KMT2C: variants seen among roughly 807,000 people sequenced by gnomAD.
The protein encoded by KMT2C is histone-lysine N-methyltransferase 2C.
Under a neutral mutation model 507.9 loss-of-function variants are expected in KMT2C, and 88 were observed. The ratio of observed to expected loss-of-function variants is 0.17; its 90% CI spans 0.15 to 0.21. The LOEUF is 0.21. Ranked by LOEUF, KMT2C falls within the 10% of genes least tolerant of loss-of-function variation. KMT2C has a pLI of 1.00. For synonymous variants in KMT2C, 2,049 were observed against 2,080.8 expected (o/e 0.98, Z 0.42); for missense variants, 4,954 against 5,957.8 (o/e 0.83, Z 5.55).
intron 6 of KMT2C, among the ~76,000 whole-genome samples, chr7:152,285,278 G>A (rs1369886440): frequency 7.6e-4 from 114 of 149,358 alleles, no homozygotes; most frequent in African/African-American, 2.9e-3. Flanking sequence ...CTATAGGAAA[G>A]CAACAGATCG....
intron 6 of KMT2C, among the ~76,000 whole-genome samples, chr7:152,307,920 G>C (rs1203237381): frequency 6.6e-6 from 1 of 152,100 alleles, no homozygotes; most frequent in Non-Finnish European, 1.5e-5. Context: ...TTTAGCCTTT[G>C]TTACCTTCCC....
At position 152,203,183 on chromosome 7, in the gene KMT2C, T is replaced by G. The variant is rs573612346; in HGVS notation, c.3962-119A>C. ...GTTTCATATAAACAAACAAGCTTTT[T>G]GAACAAAAAAATCTCAAATCAAGTT... On this transcript the variant is annotated intron_variant, in intron 25 of 58. Transcript: ENST00000262189. The G allele has an allele frequency of 1.0e-4, 76 of 724,510 alleles. 1 individual carries two copies. The South Asian group carries it at 2.8e-3, about 27-fold the overall frequency. 44.9% of individuals were successfully genotyped at this position (724,510 alleles called of 1,614,324 possible). A position where few individuals can be genotyped will look rare whatever the true frequency, so the allele number is the denominator to read the frequency against.
At chr7:152,332,892 A>ACACACACACACAC (rs1305747560) in intron 2 of KMT2C, among the ~76,000 whole-genome samples, 2 of 151,260 alleles carry the variant, frequency 1.3e-5, no homozygotes, top group African/African-American at 2.4e-5. Context: ...ACACACACAC[A>ACACACACACACAC]AATTATTCTC....
chr7:152,252,428 T>C, intron 10 of KMT2C, 118 bp downstream of exon 10: 2 of 767,586 alleles, frequency 2.6e-6, no homozygotes, highest in Non-Finnish European at 4.2e-6. Context: ...ATAACAGCAA[T>C]CAGTACTGAT....
Position 152,147,895 on chromosome 7 carries a change from T to C in KMT2C, c.13894+138A>G, listed in dbSNP as rs542722015. The C allele has an allele frequency of 1.3e-4, 116 of 896,930 alleles. 1 individual carries two copies. The highest frequency in any genetic ancestry group is 8.6e-4 in the East Asian group (32 of 37,050). The allele number at this position is 896,930 out of a possible 1,614,324, so 55.6% of individuals were successfully genotyped here. A position where few individuals can be genotyped will look rare whatever the true frequency, so the allele number is the denominator to read the frequency against. The stretch of plus-strand genomic sequence containing the variant: ...AGAGCAAGGTGTGAGAACACAAACA[T>C]TGGCATTTGTAAATGAAAAATACAC... On this transcript the variant is annotated intron_variant, in intron 52 of 58. Coordinates refer to ENST00000262189, the MANE Select transcript of KMT2C (RefSeq NM_170606.3).
In KMT2C at chr7:152,176,756, T is replaced by C. The variant is rs144981682; in HGVS notation, c.8697A>G (p.Gln2899=). 1.2e-5 allele frequency: 19 copies of C among 1,614,220 alleles called. No homozygotes were observed. In the East Asian group the frequency reaches 3.6e-4, roughly 30 times the overall value. The change falls in exon 38 of 59, where the codon CAA becomes CAG. Residue 2899 remains glutamine (Q), a synonymous_variant. Coordinates refer to ENST00000262189, the MANE Select transcript of KMT2C (RefSeq NM_170606.3). The part of the protein sequence containing the change: ...PSANVIQAST[Q]LPAQDVINSC... The stretch of plus-strand genomic sequence containing the variant: ...AGTTTATTACATCTTGAGCAGGTAG[T>C]TGAGTGGATGCCTGAATGACATTTG...
At chr7:152,219,434 G>A (rs2129144956) in intron 23 of KMT2C, among the ~76,000 whole-genome samples, 1 of 152,118 alleles carries the variant, frequency 6.6e-6, no homozygotes, top group Non-Finnish European at 1.5e-5. Context: ...CTGACATACA[G>A]TAGATATTCA....
chr7:152,297,694 T>G (rs2096529146), intron 6 of KMT2C, among the ~76,000 whole-genome samples: 1 of 152,124 alleles, frequency 6.6e-6, no homozygotes, highest in South Asian at 2.1e-4. Flanking sequence ...ATGAAACGGT[T>G]TATAAGTAAC....
intron 3 of KMT2C, among the ~76,000 whole-genome samples, chr7:152,324,485 A>G (rs1183725256): frequency 1.3e-5 from 2 of 151,970 alleles, no homozygotes; most frequent in Non-Finnish European, 2.9e-5. Context: ...TAAATGTATC[A>G]TGAATCATTT....
chr7:152,315,941 T>C lies in KMT2C; in HGVS notation c.390-603A>G, dbSNP rs188713015. Among the ~76,000 whole-genome samples the C allele has an allele frequency of 2.0e-5, 3 of 151,946 alleles. No homozygotes were observed. In the East Asian group the frequency reaches 5.8e-4, roughly 29 times the overall value. On this transcript the variant is annotated intron_variant, in intron 3 of 58. Transcript: ENST00000262189. The stretch of plus-strand genomic sequence containing the variant: ...AAACAAAAAAAATGCAAGTTAAAAA[T>C]GGGAAAGAAGGTAGAGTTTAGTAGC...
intron 6 of KMT2C, among the ~76,000 whole-genome samples, chr7:152,297,328 A>G (rs1175881917): frequency 6.6e-6 from 1 of 152,204 alleles, no homozygotes; most frequent in Non-Finnish European, 1.5e-5. Flanking sequence ...AAAAAGCAGC[A>G]AGGAATAACT....
At chr7:152,158,528 T>G (rs1357365662) in intron 44 of KMT2C, among the ~76,000 whole-genome samples, 1 of 152,038 alleles carries the variant, frequency 6.6e-6, no homozygotes, top group Non-Finnish European at 1.5e-5. Context: ...TTTTGTTTTT[T>G]TTTTTGAGAC....
At chr7:152,435,600 G>T (rs746644642) in intron 1 of KMT2C, 26 bp downstream of exon 1, 5 of 1,423,904 alleles carry the variant, frequency 3.5e-6, no homozygotes, top group South Asian at 1.3e-5. Flanking sequence ...CTGGCTCCCG[G>T]CCTGGCTCCC....
intron 22 of KMT2C, 37 bp from the exon 23 acceptor site, chr7:152,220,772 T>G: frequency 6.7e-7 from 1 of 1,491,700 alleles, no homozygotes; most frequent in East Asian, 2.3e-5. Context: ...AAATTTAAAC[T>G]TTCATTTCAA....
chr7:152,223,712 T>C (rs2094844144), intron 20 of KMT2C, among the ~76,000 whole-genome samples: 2 of 152,086 alleles, frequency 1.3e-5, no homozygotes, highest in Non-Finnish European at 2.9e-5. Context: ...GAGAATCGCT[T>C]GAACCCAGGA....
intron 6 of KMT2C, among the ~76,000 whole-genome samples, chr7:152,290,380 G>A (rs1193215114): frequency 9.8e-5 from 13 of 133,178 alleles, no homozygotes; most frequent in South Asian, 5.3e-4. Context: ...GCACAATCTC[G>A]GCTCACTGCA....
intron 27 of KMT2C, among the ~76,000 whole-genome samples, chr7:152,198,045 T>C (rs1294248745): frequency 1.3e-5 from 2 of 152,224 alleles, no homozygotes; most frequent in Non-Finnish European, 2.9e-5. Flanking sequence ...TCAAAGTGGC[T>C]AGTTATGAGA....
At chr7:152,231,752 G>C (rs2095121099) in intron 16 of KMT2C, among the ~76,000 whole-genome samples, 1 of 152,078 alleles carries the variant, frequency 6.6e-6, no homozygotes, top group Non-Finnish European at 1.5e-5. Flanking sequence ...CTGCACTCCA[G>C]CCTGGGTGAC....
chr7:152,340,614 G>C (rs1309752845), intron 2 of KMT2C, among the ~76,000 whole-genome samples: 1 of 152,028 alleles, frequency 6.6e-6, no homozygotes, highest in Admixed American at 6.6e-5. Context: ...TTAATAATAT[G>C]AATATAGTTG....
Sources: gnomAD v4.1 joint callset for allele counts (sites outside exome capture counted in the v4.1 genomes callset) on GRCh38, gnomAD v4.1.1 for gene constraint, MANE v1.5 for transcripts, NCBI Gene and HGNC (gene_info 2026-07-23, HGNC 2026-07-21) for gene names.